The following SYNJ1 variants were observed in gnomAD, a reference collection of about 807,000 sequenced individuals.
The protein encoded by SYNJ1 is synaptojanin 1.
In SYNJ1, 78 loss-of-function variants were observed where a neutral mutation model predicts 168.2. The ratio of observed to expected loss-of-function variants is 0.46; its 90% CI spans 0.39 to 0.56. SYNJ1 has a LOEUF of 0.56. Among genes scored for constraint, SYNJ1 ranks in the 20% least tolerant of loss-of-function variants. The pLI, the probability that SYNJ1 is intolerant of heterozygous loss-of-function variation, is 0.00. For missense variants in SYNJ1, 1,303 were observed against 1,597.6 expected (o/e 0.82, Z 3.14); for synonymous variants, 539 against 548.6 (o/e 0.98, Z 0.24).
rs558435594 is a variant in SYNJ1, at chr21:32,682,118, G to A, written c.1201-470C>T. Among the ~76,000 whole-genome samples, 31 of 152,200 alleles carry A rather than the reference G, an allele frequency of 2.0e-4. No individual in the cohort carries two copies. In the South Asian group the frequency reaches 2.5e-3, roughly 12 times the overall value. ...AATTGTCACAAAATAAAGAAAATAA[G>A]TAAAACTTCTGAATGAAGTCATGAC... is the stretch of plus-strand genomic sequence containing the variant. On this transcript the variant is annotated intron_variant, in intron 10 of 32. Transcript: ENST00000674351.
At chr21:32,631,947 G>A in intron 32 of SYNJ1, 146 bp from the exon 33 acceptor site, 1 of 693,836 alleles carries the variant, frequency 1.4e-6, no homozygotes, top group Non-Finnish European at 2.3e-6. Context: ...TGTTACTCCG[G>A]TGGTTTAAAT....
chr21:32,665,166 C>T lies in SYNJ1; in HGVS notation c.2146-95G>A, dbSNP rs2040875964. 3.1e-6 allele frequency: 4 copies of T among 1,276,966 alleles called. No homozygotes were observed. In the East Asian group the frequency reaches 7.6e-5, roughly 24 times the overall value. The allele number at this position is 1,276,966 out of a possible 1,614,324, so 79.1% of individuals were successfully genotyped here. On this transcript the variant is annotated intron_variant, in intron 17 of 32. Coordinates refer to ENST00000674351, the MANE Select transcript of SYNJ1 (RefSeq NM_203446.3). ...TTGCCTGAGATATGCTTGTCTCCTC[C>T]CATGTCCTGTTTCTTTGACCCAACA...
At chr21:32,649,717 C>T (rs1306974998) in intron 23 of SYNJ1, among the ~76,000 whole-genome samples, 1 of 152,148 alleles carries the variant, frequency 6.6e-6, no homozygotes, top group East Asian at 1.9e-4. Context: ...AAAGTATACG[C>T]AAAATAAACA....
At position 32,695,288 on chromosome 21, in the gene SYNJ1, A is replaced by C; in HGVS notation, c.480-6T>G. 1.9e-6 allele frequency: 3 copies of C among 1,612,214 alleles called. No homozygotes were observed. Among genetic ancestry groups the C allele is most frequent in the Non-Finnish European group, 2.5e-6 (3 of 1,178,834 alleles). ...GCAAATGCAAAGACTGATTCCTAAT[A>C]GGAAAAGAAATAAATGATTAGCTTA... On this transcript the variant is annotated splice_region_variant and splice_polypyrimidine_tract_variant and intron_variant, in intron 4 of 32. Coordinates refer to ENST00000674351, the MANE Select transcript of SYNJ1 (RefSeq NM_203446.3).
At chr21:32,659,841 G>A (rs910326086) in intron 18 of SYNJ1, among the ~76,000 whole-genome samples, 4 of 152,132 alleles carry the variant, frequency 2.6e-5, no homozygotes, top group Admixed American at 6.5e-5. Context: ...TTGGTTCCCC[G>A]ACCGGGAAGT....
At chr21:32,721,306 T>C (rs1354286837) in intron 2 of SYNJ1, among the ~76,000 whole-genome samples, 2 of 152,204 alleles carry the variant, frequency 1.3e-5, no homozygotes, top group African/African-American at 4.8e-5. Flanking sequence ...TATCTAAGGG[T>C]AAGAACTTTT....
intron 27 of SYNJ1, 138 bp from the exon 28 acceptor site, chr21:32,642,271 T>G: frequency 1.2e-6 from 1 of 856,460 alleles, no homozygotes; most frequent in Non-Finnish European, 1.9e-6. Flanking sequence ...CACTTTGCTT[T>G]GTATAATGAT....
At position 32,695,086 on chromosome 21, in the gene SYNJ1, G is replaced by T; in HGVS notation, c.676C>A (p.His226Asn). ...TCTGTTTCTACAAAATTGGCAACAT[G>T]ACCATCATCATTTGTTCCCCGGACA... ...FNVRGTNDDGHVANFVETEQV... is the reference protein window; with the variant it reads ...FNVRGTNDDGNVANFVETEQV... Residue 226 changes from histidine to asparagine, a missense_variant, in exon 5 of 33, where the codon CAT (histidine) becomes AAT (asparagine). By Grantham distance (68) the His-to-Asn change is moderately conservative. This residue lies in a region of SYNJ1 where 920 missense variants were observed against 1,208.8 expected (regional missense o/e 0.76). Coordinates refer to ENST00000674351, the MANE Select transcript of SYNJ1 (RefSeq NM_203446.3). 1 of 1,614,028 alleles carries T rather than the reference G, an allele frequency of 6.2e-7. No homozygotes were observed. Among genetic ancestry groups the T allele is most frequent in the South Asian group, 1.1e-5 (1 of 91,058 alleles).
intron 32 of SYNJ1, among the ~76,000 whole-genome samples, chr21:32,633,590 G>T (rs1366736490): frequency 6.6e-6 from 1 of 152,076 alleles, no homozygotes. Flanking sequence ...CTGCCCAAAA[G>T]GAATTTGGAT....
At chr21:32,692,651 C>G (rs1433734070) in intron 6 of SYNJ1, among the ~76,000 whole-genome samples, 5 of 152,276 alleles carry the variant, frequency 3.3e-5, no homozygotes. Context: ...GGAAAGCACA[C>G]AGGAGAAGGA....
chr21:32,680,240 G>A (rs576766255), intron 11 of SYNJ1, among the ~76,000 whole-genome samples: 1 of 152,206 alleles, frequency 6.6e-6, no homozygotes, highest in East Asian at 1.9e-4. Context: ...CTGGGCAGAG[G>A]CATGGCATAT....
intron 2 of SYNJ1, among the ~76,000 whole-genome samples, chr21:32,715,704 C>G (rs951649029): frequency 2.6e-5 from 4 of 151,820 alleles, no homozygotes; most frequent in Admixed American, 2.6e-4. Context: ...TTAAATAAGA[C>G]TATAATGAAA....
At position 32,688,326 on chromosome 21, in the gene SYNJ1, G is replaced by A. The variant is rs148732160; in HGVS notation, c.831C>T (p.Ala277=). Residue 277 remains alanine, a synonymous_variant, in exon 7 of 33, where the codon GCC becomes GCT. Coordinates refer to ENST00000674351, the MANE Select transcript of SYNJ1 (RefSeq NM_203446.3). Reference sequence around the variant, plus strand: ...CTTACCTGTCAAAAGCAGGTGCATTGGCTTCAAATCCCCTTGACATACGGA... The same window carrying A: ...CTTACCTGTCAAAAGCAGGTGCATTAGCTTCAAATCCCCTTGACATACGGA... ...HRVRMSRGFE[A]NAPAFDRHFR... 2.1e-5 allele frequency: 34 copies of A among 1,613,444 alleles called. No homozygotes were observed. The African/African-American group carries it at 4.3e-4, about 20-fold the overall frequency.
chr21:32,634,466 C>T (rs1301797252), intron 32 of SYNJ1, among the ~76,000 whole-genome samples: 2 of 151,992 alleles, frequency 1.3e-5, no homozygotes, highest in Non-Finnish European at 2.9e-5. Flanking sequence ...AAAAATATTT[C>T]CCCCAAATAT....
At chr21:32,639,588 G>A (rs915584771) in intron 30 of SYNJ1, 83 bp downstream of exon 30, 11 of 1,045,062 alleles carry the variant, frequency 1.1e-5, no homozygotes, top group Admixed American at 7.7e-5. Flanking sequence ...TTTTACAGGC[G>A]GGTCTCACTA....
intron 2 of SYNJ1, among the ~76,000 whole-genome samples, chr21:32,724,225 C>T (rs1340863949): frequency 6.6e-6 from 1 of 152,200 alleles, no homozygotes; most frequent in East Asian, 1.9e-4. Flanking sequence ...CGGTGGCTCA[C>T]GCCTGTAATC....
chr21:32,688,764 A>G (rs2041919766), intron 6 of SYNJ1, among the ~76,000 whole-genome samples: 1 of 152,222 alleles, frequency 6.6e-6, no homozygotes, highest in African/African-American at 2.4e-5. Flanking sequence ...ATAACTTGCT[A>G]TCTGAGATCA....
chr21:32,727,657 TC>T, intron 1 of SYNJ1, among the ~76,000 whole-genome samples: 1 of 151,326 alleles, frequency 6.6e-6, no homozygotes, highest in East Asian at 2.0e-4. Context: ...GCCCAAACCC[TC>T]CATTTATGCG....
At chr21:32,661,310 C>A (rs1221973455) in intron 18 of SYNJ1, among the ~76,000 whole-genome samples, 3 of 152,200 alleles carry the variant, frequency 2.0e-5, no homozygotes, top group Non-Finnish European at 4.4e-5. Context: ...CAAGGCCCCA[C>A]GGTTCCACCC....
Sources: gnomAD v4.1 joint callset for allele counts (sites outside exome capture counted in the v4.1 genomes callset) on GRCh38, gnomAD v4.1.1 for gene constraint, gnomAD v4.1.1 regional missense constraint, MANE v1.5 for transcripts, NCBI Gene and HGNC (gene_info 2026-07-23, HGNC 2026-07-21) for gene names.